The following ME1 variants were observed in gnomAD, a reference collection of about 807,000 sequenced individuals.
The protein encoded by ME1 is NADP-dependent malic enzyme.
A neutral mutation model predicts 66.4 loss-of-function variants in ME1; 74 were observed. The observed-to-expected ratio is 1.11, with a 90% CI of 0.92 to 1.35. ME1 has a LOEUF of 1.35. Among genes scored for constraint, ME1 ranks in the 40% most tolerant of loss-of-function variants. The pLI is 0.00. For synonymous variants in ME1, 251 were observed against 235.6 expected, an observed-to-expected ratio of 1.07 and a Z score of -0.60; for missense variants, 750 against 694.1, an observed-to-expected ratio of 1.08 and a Z score of -0.90.
chr6:83,353,274 T>C (rs995798844), intron 3 of ME1, among the ~76,000 whole-genome samples: 3 of 152,214 alleles, frequency 2.0e-5, no homozygotes, highest in African/African-American at 7.2e-5. Context: ...CACACCATAT[T>C]TGGTATTCCT....
chr6:83,251,365 C>A (rs955176024), intron 7 of ME1, among the ~76,000 whole-genome samples: 1 of 151,732 alleles, frequency 6.6e-6, no homozygotes, highest in Non-Finnish European at 1.5e-5. Flanking sequence ...CGCAGTGGCA[C>A]GCACCTGTAA....
In ME1 at chr6:83,223,785, T is replaced by C; in HGVS notation, c.1424A>G (p.Asp475Gly). ...VVACGLRQIT[D>G]NIFLTTAEVI... The stretch of plus-strand genomic sequence containing the variant: ...CTCAGCAGTAGTGAGGAAAATATTA[T>C]CTGTGATCTGCCTCAATCCACACGC... Residue 475 changes from aspartate (D) to glycine (G), a missense_variant, in exon 12 of 14, where the codon GAT becomes GGT. Asp to Gly is a moderately conservative substitution (Grantham distance 94). Coordinates refer to ENST00000369705, the MANE Select transcript of ME1 (RefSeq NM_002395.6). The C allele has an allele frequency of 1.2e-6, 2 of 1,613,878 alleles. No homozygotes were observed. The highest frequency in any genetic ancestry group is 1.3e-5 in the African/African-American group (1 of 75,030).
chr6:83,417,234 C>G (rs1356035115), intron 1 of ME1, among the ~76,000 whole-genome samples: 1 of 152,100 alleles, frequency 6.6e-6, no homozygotes, highest in African/African-American at 2.4e-5. Flanking sequence ...TTTTTTGAGA[C>G]AGGGTCTCAC....
chr6:83,403,033 T>C (rs766235126), intron 2 of ME1, among the ~76,000 whole-genome samples: 2 of 152,198 alleles, frequency 1.3e-5, no homozygotes, highest in African/African-American at 2.4e-5. Context: ...ACATAAGATA[T>C]ACTGACTCTG....
In ME1 at chr6:83,430,988, G is replaced by A. The variant is rs567216386; in HGVS notation, c.-34C>T. The A allele has an allele frequency of 4.3e-6, 6 of 1,384,134 alleles. No individual in the cohort carries two copies. Among genetic ancestry groups the A allele is most frequent in the African/African-American group, 1.5e-5 (1 of 65,590 alleles). 85.7% of individuals were successfully genotyped at this position (1,384,134 alleles called of 1,614,324 possible). ...CCGGGTTCGGCGGCGGGGTCAGGCC[G>A]GGGCGGGCCGCACGCGCGGTGCAGG... On this transcript the variant is annotated 5_prime_UTR_variant, in exon 1 of 14. Transcript: ENST00000369705.
At chr6:83,403,614 C>T (rs1769876150) in intron 2 of ME1, among the ~76,000 whole-genome samples, 1 of 152,072 alleles carries the variant, frequency 6.6e-6, no homozygotes, top group African/African-American at 2.4e-5. Flanking sequence ...TTAAGCCCTG[C>T]ATGCATTAGG....
chr6:83,391,802 C>T (rs1769626492), intron 3 of ME1, among the ~76,000 whole-genome samples: 1 of 152,120 alleles, frequency 6.6e-6, no homozygotes, highest in South Asian at 2.1e-4. Flanking sequence ...TTCCTTCTGT[C>T]TGGCATGTTT....
intron 1 of ME1, among the ~76,000 whole-genome samples, chr6:83,412,375 G>A (rs1227131211): frequency 6.6e-6 from 1 of 152,174 alleles, no homozygotes; most frequent in Non-Finnish European, 1.5e-5. Flanking sequence ...GAGATGGTTT[G>A]TGTGTTCTGT....
chr6:83,367,248 G>T (rs1238593361), intron 3 of ME1, among the ~76,000 whole-genome samples: 1 of 152,140 alleles, frequency 6.6e-6, no homozygotes, highest in Admixed American at 6.5e-5. Context: ...CTGTCATCCA[G>T]ACTCTTGTTC....
chr6:83,263,453 T>C (rs1365102371), intron 6 of ME1, among the ~76,000 whole-genome samples: 1 of 152,184 alleles, frequency 6.6e-6, no homozygotes, highest in Non-Finnish European at 1.5e-5. Flanking sequence ...GTTAGCCAAG[T>C]TGTGAATGCA....
At chr6:83,367,644 C>A (rs1769124431) in intron 3 of ME1, among the ~76,000 whole-genome samples, 1 of 152,268 alleles carries the variant, frequency 6.6e-6, no homozygotes, top group South Asian at 2.1e-4. Flanking sequence ...CTAGCTTCAC[C>A]ATTTTCTTCT....
At chr6:83,325,963 A>AAG (rs772738753) in intron 5 of ME1, among the ~76,000 whole-genome samples, 115 of 151,622 alleles carry the variant, frequency 7.6e-4, no homozygotes, top group Non-Finnish European at 1.3e-3. Flanking sequence ...AAAAAAAAAA[A>AAG]CAAAGCTGGA....
intron 3 of ME1, among the ~76,000 whole-genome samples, chr6:83,362,944 G>T (rs189297465): frequency 1.3e-5 from 2 of 152,180 alleles, no homozygotes; most frequent in Non-Finnish European, 2.9e-5. Flanking sequence ...TGAAGCAGCT[G>T]GATTGATAGA....
intron 5 of ME1, among the ~76,000 whole-genome samples, chr6:83,320,077 T>C (rs1012831949): frequency 2.0e-5 from 3 of 152,188 alleles, no homozygotes; most frequent in Non-Finnish European, 1.5e-5. Flanking sequence ...ATATTTTATA[T>C]GTGGAATGTG....
At chr6:83,293,561 C>T (rs1393372955) in intron 6 of ME1, among the ~76,000 whole-genome samples, 1 of 152,052 alleles carries the variant, frequency 6.6e-6, no homozygotes, top group Non-Finnish European at 1.5e-5. Flanking sequence ...TTTACTGAAA[C>T]TGAAGATTCA....
chr6:83,211,122 C>A lies in ME1; in HGVS notation c.*802G>T, dbSNP rs1229548281. 6.6e-6 allele frequency: 1 copy of A among 152,152 alleles called. No homozygotes were observed. Among genetic ancestry groups the A allele is most frequent in the Non-Finnish European group, 1.5e-5 (1 of 68,034 alleles). The allele number at this position is 152,152 out of a possible 1,614,324, so 9.4% of individuals were successfully genotyped here. On this transcript the variant is annotated 3_prime_UTR_variant, in exon 14 of 14. Coordinates refer to ENST00000369705, the MANE Select transcript of ME1 (RefSeq NM_002395.6). Reference sequence around the variant, plus strand: ...TTAACTATATACTCTCCTTTCAGACCTTCTCACTGCTCAGGCTGTGCTGAA... The same window carrying A: ...TTAACTATATACTCTCCTTTCAGACATTCTCACTGCTCAGGCTGTGCTGAA...
intron 6 of ME1, among the ~76,000 whole-genome samples, chr6:83,277,538 C>T (rs912541215): frequency 1.3e-5 from 2 of 152,178 alleles, no homozygotes; most frequent in Admixed American, 1.3e-4. Flanking sequence ...GGTAACAAAA[C>T]ATGGGGAAAG....
At chr6:83,252,821 G>A (rs1790746844) in intron 7 of ME1, among the ~76,000 whole-genome samples, 1 of 152,150 alleles carries the variant, frequency 6.6e-6, no homozygotes, top group South Asian at 2.1e-4. Context: ...AAGGCAAACA[G>A]CCAAAGAGGT....
In ME1 at chr6:83,210,566, C is replaced by T. The variant is rs1378852627; in HGVS notation, c.*1358G>A. Reference sequence around the variant, plus strand: ...ATAACTATTTTGAGGAAACTCTTGACTATATGTTACCTTTAGAAATACCTT... The same window carrying T: ...ATAACTATTTTGAGGAAACTCTTGATTATATGTTACCTTTAGAAATACCTT... On this transcript the variant is annotated 3_prime_UTR_variant, in exon 14 of 14. Coordinates refer to ENST00000369705, the MANE Select transcript of ME1 (RefSeq NM_002395.6). 6.6e-6 allele frequency: 1 copy of T among 152,480 alleles called. No homozygotes were observed. Among genetic ancestry groups the T allele is most frequent in the Admixed American group, 6.5e-5 (1 of 15,290 alleles). The allele number at this position is 152,480 out of a possible 1,614,324, so 9.4% of individuals were successfully genotyped here.
Sources: gnomAD v4.1 joint callset for allele counts (sites outside exome capture counted in the v4.1 genomes callset) on GRCh38, gnomAD v4.1.1 for gene constraint, MANE v1.5 for transcripts, NCBI Gene and HGNC (gene_info 2026-07-23, HGNC 2026-07-21) for gene names.